The following SECTM1 variants were observed in gnomAD, a reference collection of about 807,000 sequenced individuals.
SECTM1 encodes secreted and transmembrane 1, also known as secreted and transmembrane protein 1.
A neutral mutation model predicts 18.1 loss-of-function variants in SECTM1; 10 were observed. The observed-to-expected ratio is 0.55, with a 90% CI of 0.34 to 0.94. The LOEUF (loss-of-function observed/expected upper bound fraction) is 0.94, where lower values mean the gene tolerates loss of function less well. Among genes scored for constraint, SECTM1 ranks in the 40% least tolerant of loss-of-function variants. The probability of loss-of-function intolerance (pLI) is 0.02; values close to 1 mark genes in which losing one functional copy is unlikely to be tolerated. For synonymous variants in SECTM1, 137 were observed against 139.2 expected (o/e 0.98, Z 0.11); for missense variants, 297 against 322.6 (o/e 0.92, Z 0.61).
intron 3 of SECTM1, among the ~76,000 whole-genome samples, chr17:82,323,898 G>A (rs1489320791): frequency 6.6e-6 from 1 of 151,836 alleles, no homozygotes. Flanking sequence ...GAAGGGTCGG[G>A]GGTGGTCCCA....
At chr17:82,331,061 C>T (rs555487719) in intron 1 of SECTM1, among the ~76,000 whole-genome samples, 3 of 152,332 alleles carry the variant, frequency 2.0e-5, no homozygotes, top group East Asian at 1.9e-4. Context: ...CCAATGTTGG[C>T]GACCCTGACC....
intron 3 of SECTM1, 123 bp from the exon 4 acceptor site, chr17:82,323,134 C>T (rs1038290092): frequency 2.9e-5 from 34 of 1,184,900 alleles, no homozygotes; most frequent in Middle Eastern, 2.3e-4. Flanking sequence ...CCTTGGAAGA[C>T]GGCACCGCCG....
chr17:82,324,197 G>A (rs2052124230), intron 3 of SECTM1, among the ~76,000 whole-genome samples: 1 of 152,012 alleles, frequency 6.6e-6, no homozygotes, highest in African/African-American at 2.4e-5. Flanking sequence ...GCAGGGAGGC[G>A]GGGGGTGCCT....
chr17:82,324,175 G>A (rs1482127045), intron 3 of SECTM1, among the ~76,000 whole-genome samples: 2 of 152,068 alleles, frequency 1.3e-5, no homozygotes, highest in East Asian at 1.9e-4. Flanking sequence ...CCACACAGCC[G>A]GGGTGGGGGT....
rs1199193490 is a variant in SECTM1, at chr17:82,330,967, C to T, written c.-53+2733G>A. 6.6e-6 allele frequency among the ~76,000 whole-genome samples: 1 copy of T among 152,216 alleles called. No homozygotes were observed. The highest frequency in any genetic ancestry group is 2.4e-5 in the African/African-American group (1 of 41,456). ...AGCCCAACTGTGGTGGCGGCCGCTG[C>T]TTCTCACACGCGGGTCCTCTCACTG... On this transcript the variant is annotated intron_variant, in intron 1 of 4. Transcript: ENST00000269389. This position sits in a 1 kb window ranked among gnomAD's most constrained non-coding sequence, Gnocchi z 6.1.
intron 1 of SECTM1, among the ~76,000 whole-genome samples, chr17:82,331,998 C>T (rs892801189): frequency 6.6e-5 from 10 of 152,082 alleles, no homozygotes; most frequent in South Asian, 2.1e-4. Flanking sequence ...AAAAATTAGC[C>T]GGGCGTGGTG....
Position 82,322,062 on chromosome 17 carries a change from G to T in SECTM1, c.*99C>A. 2 of 1,196,094 alleles carry T rather than the reference G, an allele frequency of 1.7e-6. No homozygotes were observed. Among genetic ancestry groups the T allele is most frequent in the Non-Finnish European group, 2.4e-6 (2 of 820,818 alleles). The allele number at this position is 1,196,094 out of a possible 1,614,324, so 74.1% of individuals were successfully genotyped here. A position where few individuals can be genotyped will look rare whatever the true frequency, so the allele number is the denominator to read the frequency against. On this transcript the variant is annotated 3_prime_UTR_variant, in exon 5 of 5. Coordinates refer to ENST00000269389, the MANE Select transcript of SECTM1 (RefSeq NM_003004.3). ...GAGGCCCAGCCTGCCAAGCAAGCCGGTGTCTGTGCCCTCCGGGTGGGACGA... is the reference window on the plus strand; with the variant it reads ...GAGGCCCAGCCTGCCAAGCAAGCCGTTGTCTGTGCCCTCCGGGTGGGACGA...
chr17:82,323,364 C>T (rs1234472536), intron 3 of SECTM1: 3 of 244,216 alleles, frequency 1.2e-5, no homozygotes, highest in Non-Finnish European at 2.4e-5. Flanking sequence ...CTGTTGTGGC[C>T]CACCCAGGGC....
rs926202033 is a variant in SECTM1, at chr17:82,326,745, C to T, written c.94+402G>A. On this transcript the variant is annotated intron_variant, in intron 2 of 4. Transcript: ENST00000269389. This position sits in a 1 kb window ranked among gnomAD's most constrained non-coding sequence, Gnocchi z 4.3. ...CCACTCCTGGCAGGCCTGAGGTGCG[C>T]CTGACTAAGGAGCCCCCAGGCCAGG... 4.6e-5 allele frequency among the ~76,000 whole-genome samples: 7 copies of T among 152,186 alleles called. No homozygotes were observed. Among genetic ancestry groups the T allele is most frequent in the Non-Finnish European group, 7.4e-5 (5 of 68,024 alleles).
intron 1 of SECTM1, 96 bp downstream of exon 1, chr17:82,333,604 T>C (rs4789764): frequency 2.7e-3 from 311 of 114,340 alleles, no homozygotes; most frequent in South Asian, 5.6e-3. Context: ...CACCGGGCCC[T>C]CAGCACCGAG....
chr17:82,322,216 C>G lies in SECTM1; in HGVS notation c.692G>C (p.Gly231Ala). 2 of 1,613,050 alleles carry G rather than the reference C, an allele frequency of 1.2e-6. No homozygotes were observed. The highest frequency in any genetic ancestry group is 2.2e-5 in the South Asian group (2 of 91,000). Reference sequence around the variant, plus strand: ...TTGGGGGGACAGCAGCTCCAGGGCTCCAAGTGGTGAGGGTTTGAACACCAG... The same window carrying G: ...TTGGGGGGACAGCAGCTCCAGGGCTGCAAGTGGTGAGGGTTTGAACACCAG... ...LALVFKPSPL[G>A]ALELLSPQPL... The change falls in exon 5 of 5, where the codon GGA (glycine) becomes GCA (alanine). Residue 231 changes from glycine (G) to alanine (A), a missense_variant. Physicochemically the swap from Gly to Ala is moderately conservative, Grantham distance 60. Transcript: ENST00000269389.
chr17:82,326,923 A>G lies in SECTM1; in HGVS notation c.94+224T>C. 6.6e-6 allele frequency among the ~76,000 whole-genome samples: 1 copy of G among 151,988 alleles called. No individual in the cohort carries two copies. The highest frequency in any genetic ancestry group is 1.5e-5 in the Non-Finnish European group (1 of 67,970). On this transcript the variant is annotated intron_variant, in intron 2 of 4. Coordinates refer to ENST00000269389, the MANE Select transcript of SECTM1 (RefSeq NM_003004.3). This position sits in a 1 kb window ranked among gnomAD's most constrained non-coding sequence, Gnocchi z 4.3. ...ACCACCGCCCTCCACCCACGGCGGGACACGGCCCACTCACCACCACCCTCC... is the reference window on the plus strand; with the variant it reads ...ACCACCGCCCTCCACCCACGGCGGGGCACGGCCCACTCACCACCACCCTCC...
rs1410908268 is a variant in SECTM1 at position 82,322,963 on chromosome 17, G to A, written c.452C>T (p.Ala151Val). Residue 151 changes from alanine (A) to valine (V), a missense_variant, in exon 4 of 5, where the codon GCG becomes GTG. Coordinates refer to ENST00000269389, the MANE Select transcript of SECTM1 (RefSeq NM_003004.3). Reference sequence around the variant, plus strand: ...GAGGATGAAGACAGCAGTGACCACCGCTGGCACAGGCCAGAACCCAGTGTC... The same window carrying A: ...GAGGATGAAGACAGCAGTGACCACCACTGGCACAGGCCAGAACCCAGTGTC... ...APDTGFWPVP[A>V]VVTAVFILLV... The A allele has an allele frequency of 1.1e-5, 18 of 1,613,714 alleles. No homozygotes were observed. The highest frequency in any genetic ancestry group is 6.7e-5 in the East Asian group (3 of 44,892).
chr17:82,327,923 C>T (rs1321656161), intron 1 of SECTM1, among the ~76,000 whole-genome samples: 1 of 147,348 alleles, frequency 6.8e-6, no homozygotes. Flanking sequence ...CTGCAGCCAG[C>T]GGCCCCCCCA....
intron 1 of SECTM1, among the ~76,000 whole-genome samples, chr17:82,332,879 G>T (rs574338350): frequency 6.6e-6 from 1 of 152,210 alleles, no homozygotes; most frequent in Non-Finnish European, 1.5e-5. Flanking sequence ...GGCCTCCTAC[G>T]CGGGCTCCTG....
rs1165661178 is a variant in SECTM1, at chr17:82,330,360, T to G, written c.-52-3068A>C. Among the ~76,000 whole-genome samples, 1 of 152,040 alleles carries G rather than the reference T, an allele frequency of 6.6e-6. No homozygotes were observed. Among genetic ancestry groups the G allele is most frequent in the East Asian group, 1.9e-4 (1 of 5,174 alleles). On this transcript the variant is annotated intron_variant, in intron 1 of 4. Transcript: ENST00000269389. This position sits in a 1 kb window ranked among gnomAD's most constrained non-coding sequence, Gnocchi z 6.1. Reference sequence around the variant, plus strand: ...ATGCTTCCAGGGACTGCCCCTGCCATGTGTTAGGGGTGGGAATTCTGGGCA... The same window carrying G: ...ATGCTTCCAGGGACTGCCCCTGCCAGGTGTTAGGGGTGGGAATTCTGGGCA...
chr17:82,332,845 A>AC (rs1396660628), intron 1 of SECTM1, among the ~76,000 whole-genome samples: 1 of 152,172 alleles, frequency 6.6e-6, no homozygotes, highest in Non-Finnish European at 1.5e-5. Flanking sequence ...AGGCCCTGCC[A>AC]CCACCCCCGC....
chr17:82,327,316 T>C, intron 1 of SECTM1, 24 bp from the exon 2 acceptor site: 1 of 1,343,904 alleles, frequency 7.4e-7, no homozygotes, highest in Non-Finnish European at 1.0e-6. Context: ...AGCCCATGGG[T>C]CAGAGCCCCC....
intron 1 of SECTM1, among the ~76,000 whole-genome samples, chr17:82,327,927 C>T (rs370319311): frequency 5.5e-5 from 8 of 144,442 alleles, no homozygotes; most frequent in African/African-American, 1.0e-4. Context: ...AGCCAGCGGC[C>T]CCCCCAGCCC....
Sources: allele counts gnomAD v4.1 joint callset (sites outside exome capture counted in the v4.1 genomes callset), GRCh38; gene constraint gnomAD v4.1.1; non-coding constraint Gnocchi (gnomAD v3.1); transcripts MANE v1.5; gene names NCBI Gene and HGNC (gene_info 2026-07-23, HGNC 2026-07-21).